KLHL1: variants seen among roughly 807,000 people sequenced by gnomAD.
The protein encoded by KLHL1 is kelch like family member 1, also known as kelch-like protein 1.
A neutral mutation model predicts 77.7 loss-of-function variants in KLHL1; 47 were observed. That is an observed-to-expected ratio of 0.60 (90% CI 0.48 to 0.77). The LOEUF is 0.77. KLHL1 is among the 30% of genes least tolerant of loss of function. The pLI is 0.00. For synonymous variants in KLHL1, 360 were observed against 325.2 expected, an observed-to-expected ratio of 1.11 and a Z score of -1.15; for missense variants, 925 against 910.8, an observed-to-expected ratio of 1.02 and a Z score of -0.20.
intron 1 of KLHL1, among the ~76,000 whole-genome samples, chr13:70,037,730 T>G (rs949421746): frequency 1.3e-5 from 2 of 152,150 alleles, no homozygotes; most frequent in Admixed American, 1.3e-4. Flanking sequence ...GATTCATAAC[T>G]ATTTCCAGTT....
At chr13:70,004,741 C>T (rs931057472) in intron 1 of KLHL1, among the ~76,000 whole-genome samples, 2 of 151,586 alleles carry the variant, frequency 1.3e-5, no homozygotes, top group Non-Finnish European at 2.9e-5. Flanking sequence ...TTTTATTACA[C>T]CCAAATAACT....
chr13:69,985,131 A>G (rs1884826826), intron 1 of KLHL1, among the ~76,000 whole-genome samples: 1 of 112,472 alleles, frequency 8.9e-6, no homozygotes, highest in East Asian at 2.0e-4. Context: ...AAACAAGCAA[A>G]CAACAACAAC....
intron 7 of KLHL1, among the ~76,000 whole-genome samples, chr13:69,775,764 C>T (rs1160473082): frequency 6.6e-6 from 1 of 151,740 alleles, no homozygotes; most frequent in Non-Finnish European, 1.5e-5. Flanking sequence ...CATCTTAGCT[C>T]ACCACAATCT....
chr13:69,722,102 G>A (rs1873091341), intron 8 of KLHL1, among the ~76,000 whole-genome samples: 1 of 151,980 alleles, frequency 6.6e-6, no homozygotes, highest in Non-Finnish European at 1.5e-5. Context: ...CTTTCTGTGA[G>A]ACACCTAGCA....
chr13:69,773,882 T>TAC (rs1230210122), intron 7 of KLHL1, among the ~76,000 whole-genome samples: 1 of 146,916 alleles, frequency 6.8e-6, no homozygotes, highest in Non-Finnish European at 1.5e-5. Context: ...TATATATATA[T>TAC]ACATAGAATA....
At chr13:69,784,084 A>C (rs1449809617) in intron 7 of KLHL1, among the ~76,000 whole-genome samples, 2 of 152,118 alleles carry the variant, frequency 1.3e-5, no homozygotes, top group African/African-American at 4.8e-5. Flanking sequence ...CAGCCAAACT[A>C]AGCCTCATAA....
chr13:69,934,990 G>C (rs372337122), intron 4 of KLHL1, among the ~76,000 whole-genome samples: 1 of 95,588 alleles, frequency 1.0e-5, no homozygotes, highest in African/African-American at 5.2e-5. Context: ...ATATATATAT[G>C]TATATATATA....
intron 1 of KLHL1, among the ~76,000 whole-genome samples, chr13:70,087,702 A>G (rs1027796254): frequency 6.6e-5 from 10 of 152,302 alleles, no homozygotes; most frequent in African/African-American, 2.2e-4. Context: ...GGAGAAAAAC[A>G]ACCAGAGCTT....
At chr13:70,054,448 C>T (rs939814968) in intron 1 of KLHL1, among the ~76,000 whole-genome samples, 1 of 151,928 alleles carries the variant, frequency 6.6e-6, no homozygotes, top group Non-Finnish European at 1.5e-5. Flanking sequence ...ATTATAGTAG[C>T]CCAATGGATA....
intron 7 of KLHL1, among the ~76,000 whole-genome samples, chr13:69,752,508 G>C (rs1384151796): frequency 1.3e-5 from 2 of 152,170 alleles, no homozygotes; most frequent in Non-Finnish European, 2.9e-5. Context: ...AAAGTGCAAT[G>C]TTATAACATG....
chr13:69,890,686 A>C (rs1192056527), intron 4 of KLHL1, among the ~76,000 whole-genome samples: 1 of 151,792 alleles, frequency 6.6e-6, no homozygotes. Context: ...ATCTCCTTGT[A>C]AAGGCTAAGA....
intron 4 of KLHL1, among the ~76,000 whole-genome samples, chr13:69,887,875 T>G (rs1306655787): frequency 6.6e-6 from 1 of 152,232 alleles, no homozygotes; most frequent in South Asian, 2.1e-4. Flanking sequence ...TCAAAATTCC[T>G]CCAGCCATTA....
At chr13:70,048,792 C>T (rs1388891393) in intron 1 of KLHL1, among the ~76,000 whole-genome samples, 1 of 152,198 alleles carries the variant, frequency 6.6e-6, no homozygotes, top group Non-Finnish European at 1.5e-5. Flanking sequence ...GCCCACTACT[C>T]ACCTCTTGCT....
intron 1 of KLHL1, among the ~76,000 whole-genome samples, chr13:70,009,299 G>A (rs1885476255): frequency 6.6e-6 from 1 of 152,090 alleles, no homozygotes; most frequent in South Asian, 2.1e-4. Flanking sequence ...GAGGGCAGCT[G>A]ATGTCATTCA....
chr13:69,895,989 T>C (rs1443151642), intron 4 of KLHL1, among the ~76,000 whole-genome samples: 1 of 152,156 alleles, frequency 6.6e-6, no homozygotes, highest in Admixed American at 6.5e-5. Flanking sequence ...ATTACAGGCA[T>C]GAGCCACCGT....
intron 1 of KLHL1, among the ~76,000 whole-genome samples, chr13:70,057,554 ATCATGAGG>A (rs1178617628): frequency 6.7e-6 from 1 of 149,094 alleles, no homozygotes; most frequent in Non-Finnish European, 1.5e-5. Flanking sequence ...AGGCGGGTGG[ATCATGAGG>A]TCAGGAGATC....
At chr13:69,874,823 A>C (rs757536995) in intron 5 of KLHL1, among the ~76,000 whole-genome samples, 30 of 152,130 alleles carry the variant, frequency 2.0e-4, no homozygotes, top group Non-Finnish European at 4.4e-4. Context: ...ATATGAGTTC[A>C]GAGAAGTAGC....
chr13:69,911,278 C>T (rs1459992902), intron 4 of KLHL1, among the ~76,000 whole-genome samples: 2 of 151,994 alleles, frequency 1.3e-5, no homozygotes, highest in African/African-American at 4.8e-5. Context: ...TCTAGTTAAA[C>T]AGTAATTTCT....
chr13:70,064,729 C>T (rs1002497037), intron 1 of KLHL1, among the ~76,000 whole-genome samples: 3 of 152,114 alleles, frequency 2.0e-5, no homozygotes, highest in Admixed American at 6.5e-5. Context: ...AACTTAGCCA[C>T]CTGCTAATGC....
Sources: allele counts gnomAD v4.1 joint callset (sites outside exome capture counted in the v4.1 genomes callset), GRCh38; gene constraint gnomAD v4.1.1; transcripts MANE v1.5; gene names NCBI Gene and HGNC (gene_info 2026-07-23, HGNC 2026-07-21).